Variants in CDK7 observed in about 807,000 individuals in gnomAD.
The protein encoded by CDK7 is cyclin-dependent kinase 7.
In CDK7, 25 loss-of-function variants were observed where a neutral mutation model predicts 49.1. The observed-to-expected ratio is 0.51, with a 90% CI of 0.37 to 0.71. The LOEUF is 0.71. Among genes scored for constraint, CDK7 ranks in the 30% least tolerant of loss-of-function variants. CDK7 has a pLI of 0.00. For synonymous variants in CDK7, 107 were observed against 140.0 expected (o/e 0.76, Z 1.67); for missense variants, 316 against 411.7 (o/e 0.77, Z 2.01).
At chr5:69,273,295 C>T (rs769967773) in intron 10 of CDK7, among the ~76,000 whole-genome samples, 37 of 150,930 alleles carry the variant, frequency 2.5e-4, no homozygotes, top group South Asian at 8.4e-4. Context: ...AAATACATGT[C>T]TATTTCACAT....
intron 2 of CDK7, among the ~76,000 whole-genome samples, chr5:69,248,676 C>G (rs953421739): frequency 6.6e-6 from 1 of 152,092 alleles, no homozygotes; most frequent in Admixed American, 6.6e-5. Context: ...GTGTGAGCCA[C>G]AGTGCCTGGC....
intron 9 of CDK7, among the ~76,000 whole-genome samples, chr5:69,272,244 T>A (rs1751634428): frequency 1.3e-5 from 2 of 152,240 alleles, no homozygotes; most frequent in African/African-American, 4.8e-5. Flanking sequence ...CATTGATTTA[T>A]GTATCTCTCT....
chr5:69,268,648 C>T (rs1042703532), intron 8 of CDK7, among the ~76,000 whole-genome samples: 6 of 145,108 alleles, frequency 4.1e-5, no homozygotes, highest in East Asian at 4.2e-4. Flanking sequence ...GTCAGGAGAT[C>T]GAGACCATTC....
intron 7 of CDK7, among the ~76,000 whole-genome samples, 175 bp from the exon 8 acceptor site, chr5:69,262,030 G>A (rs1332023593): frequency 5.3e-5 from 8 of 152,174 alleles, no homozygotes; most frequent in Non-Finnish European, 2.9e-5. Context: ...AGGAGAAAAA[G>A]GAGAGAACTG....
chr5:69,261,506 GTGTGTGTGTGTGTGTGTGTA>G, intron 7 of CDK7, among the ~76,000 whole-genome samples: 1 of 137,716 alleles, frequency 7.3e-6, no homozygotes, highest in Non-Finnish European at 1.6e-5. Flanking sequence ...GTGTGTGTGT[GTGTGTGTGTGTGTGTGTGTA>G]TGTGTGTGTG....
At chr5:69,258,231 A>T (rs184344588) in intron 6 of CDK7, 78 bp downstream of exon 6, 1 of 623,206 alleles carries the variant, frequency 1.6e-6, no homozygotes, top group East Asian at 3.0e-5. Context: ...CTGAATATGT[A>T]AATTGTTTAA....
intron 5 of CDK7, among the ~76,000 whole-genome samples, chr5:69,256,820 A>C (rs1465864954): frequency 6.6e-6 from 1 of 151,912 alleles, no homozygotes; most frequent in Non-Finnish European, 1.5e-5. Context: ...GCACCATTGC[A>C]CTCCATCCTG....
At chr5:69,276,512 A>G in intron 10 of CDK7, 31 bp from the exon 11 acceptor site, 1 of 1,605,118 alleles carries the variant, frequency 6.2e-7, no homozygotes, top group Non-Finnish European at 8.5e-7. Context: ...ATACTCACCT[A>G]CCTTACTTTT....
intron 8 of CDK7, among the ~76,000 whole-genome samples, chr5:69,263,176 T>G (rs1750944168): frequency 6.6e-6 from 1 of 152,176 alleles, no homozygotes; most frequent in Non-Finnish European, 1.5e-5. Flanking sequence ...TCTTTAGCTA[T>G]GAAGTTTAGA....
At chr5:69,255,584 T>TA in intron 5 of CDK7, 56 bp downstream of exon 5, 1 of 1,228,486 alleles carries the variant, frequency 8.1e-7, no homozygotes, top group Non-Finnish European at 1.2e-6. Flanking sequence ...AACAAGAACC[T>TA]AAATATTTGT....
intron 5 of CDK7, among the ~76,000 whole-genome samples, 159 bp from the exon 6 acceptor site, chr5:69,257,884 C>T (rs538711899): frequency 3.9e-5 from 6 of 152,354 alleles, no homozygotes; most frequent in African/African-American, 1.4e-4. Flanking sequence ...ACCCATCTAA[C>T]TCTGGAGATT....
intron 7 of CDK7, among the ~76,000 whole-genome samples, chr5:69,261,549 G>A (rs1750827008): frequency 1.4e-5 from 2 of 141,722 alleles, no homozygotes. Flanking sequence ...GTTTTGTTTT[G>A]AGACGGAATC....
chr5:69,248,639 C>T (rs1468040484), intron 2 of CDK7, among the ~76,000 whole-genome samples: 5 of 152,170 alleles, frequency 3.3e-5, no homozygotes, highest in African/African-American at 9.6e-5. Context: ...CCACCCTCCT[C>T]GGCCTCCCAA....
At chr5:69,246,667 C>A (rs1460400096) in intron 2 of CDK7, among the ~76,000 whole-genome samples, 5 of 146,710 alleles carry the variant, frequency 3.4e-5, no homozygotes, top group Admixed American at 1.4e-4. Context: ...TTTTCTAGTT[C>A]TTTAAGATGC....
At chr5:69,251,085 A>G (rs1750109037) in intron 2 of CDK7, among the ~76,000 whole-genome samples, 1 of 147,510 alleles carries the variant, frequency 6.8e-6, no homozygotes, top group East Asian at 2.0e-4. Context: ...ACATGCAACC[A>G]TGCCCCGGTA....
intron 2 of CDK7, among the ~76,000 whole-genome samples, chr5:69,244,022 C>T (rs1001288033): frequency 1.3e-5 from 2 of 148,764 alleles, no homozygotes; most frequent in Non-Finnish European, 3.0e-5. Flanking sequence ...TTAGTAGAGA[C>T]GGGGTTTCAC....
Position 69,274,122 on chromosome 5 carries a change from T to C in CDK7, c.864+1081T>C, listed in dbSNP as rs1751863892. ...ATAAACTTGAGACCACATTTAATTA[T>C]CTAGAAAGTTGTTTTCATTGGTAGT... On this transcript the variant is annotated intron_variant, in intron 10 of 11. Coordinates refer to ENST00000256443, the MANE Select transcript of CDK7 (RefSeq NM_001799.4). Among the ~76,000 whole-genome samples the C allele has an allele frequency of 2.0e-5, 3 of 152,232 alleles. No individual in the cohort carries two copies. The South Asian group carries it at 6.2e-4, about 31-fold the overall frequency.
chr5:69,267,387 C>G (rs982821252), intron 8 of CDK7, among the ~76,000 whole-genome samples: 8 of 148,610 alleles, frequency 5.4e-5, no homozygotes, highest in African/African-American at 2.0e-4. Flanking sequence ...CAACCTCTGC[C>G]TCCCAGGCTG....
intron 6 of CDK7, among the ~76,000 whole-genome samples, chr5:69,258,925 A>G (rs1179208931): frequency 6.6e-6 from 1 of 151,934 alleles, no homozygotes; most frequent in East Asian, 1.9e-4. Flanking sequence ...AAAATACAGA[A>G]ATTAGCTGGG....
Sources: gnomAD v4.1 joint callset for allele counts (sites outside exome capture counted in the v4.1 genomes callset) on GRCh38, gnomAD v4.1.1 for gene constraint, MANE v1.5 for transcripts, NCBI Gene and HGNC (gene_info 2026-07-23, HGNC 2026-07-21) for gene names.